RAD51B: variants seen among roughly 807,000 people sequenced by gnomAD.
RAD51B encodes DNA repair protein RAD51 homolog 2.
Under a neutral mutation model 42.2 loss-of-function variants are expected in RAD51B, and 38 were observed. The observed-to-expected ratio is 0.90, with a 90% CI of 0.70 to 1.18. The LOEUF is 1.18. Among genes scored for constraint, RAD51B ranks in the 50% most tolerant of loss-of-function variants. The probability of loss-of-function intolerance (pLI) is 0.00; values close to 1 mark genes in which losing one functional copy is unlikely to be tolerated. For synonymous variants in RAD51B, 154 were observed against 145.2 expected (o/e 1.06, Z -0.43); for missense variants, 373 against 400.7 (o/e 0.93, Z 0.59).
At chr14:68,501,076 G>A (rs1312818113) in intron 10 of RAD51B, among the ~76,000 whole-genome samples, 1 of 152,172 alleles carries the variant, frequency 6.6e-6, no homozygotes, top group Non-Finnish European at 1.5e-5. Context: ...ATGCTGGGGT[G>A]TGGCCAACAT....
At chr14:67,871,504 A>G (rs900016238) in intron 5 of RAD51B, among the ~76,000 whole-genome samples, 16 of 152,344 alleles carry the variant, frequency 1.1e-4, no homozygotes, top group African/African-American at 3.8e-4. Flanking sequence ...ATTCTACCAG[A>G]GGTACAAGGA....
At chr14:68,278,634 G>A (rs1237586114) in intron 7 of RAD51B, among the ~76,000 whole-genome samples, 1 of 152,206 alleles carries the variant, frequency 6.6e-6, no homozygotes, top group Non-Finnish European at 1.5e-5. Flanking sequence ...GTCAGCATGC[G>A]GTAGAGGGCT....
intron 7 of RAD51B, among the ~76,000 whole-genome samples, chr14:68,245,559 T>G (rs2080478415): frequency 6.6e-6 from 1 of 152,246 alleles, no homozygotes; most frequent in Non-Finnish European, 1.5e-5. Context: ...ACCTTATATC[T>G]CTTTTCCTGT....
At chr14:68,159,788 C>T (rs180676199) in intron 7 of RAD51B, among the ~76,000 whole-genome samples, 79 of 152,158 alleles carry the variant, frequency 5.2e-4, no homozygotes, top group African/African-American at 1.2e-4. Flanking sequence ...TTCTTACTCC[C>T]GTTCCAGATG....
intron 7 of RAD51B, among the ~76,000 whole-genome samples, chr14:68,049,050 C>G (rs545309567): frequency 6.6e-6 from 1 of 152,194 alleles, no homozygotes; most frequent in Non-Finnish European, 1.5e-5. Context: ...GAGTTCATGT[C>G]CTTTGTAGGG....
intron 7 of RAD51B, among the ~76,000 whole-genome samples, chr14:67,964,430 C>T (rs1046916299): frequency 6.6e-6 from 1 of 152,208 alleles, no homozygotes. Flanking sequence ...ATTATTCCTT[C>T]AGGCAGCCAA....
At chr14:68,601,343 C>A (rs1307331540) in intron 10 of RAD51B, among the ~76,000 whole-genome samples, 1 of 152,102 alleles carries the variant, frequency 6.6e-6, no homozygotes, top group Non-Finnish European at 1.5e-5. Flanking sequence ...TCCTTCCTGG[C>A]CACAGACTAG....
intron 7 of RAD51B, among the ~76,000 whole-genome samples, chr14:67,974,904 T>C (rs1430110800): frequency 6.6e-6 from 1 of 152,324 alleles, no homozygotes; most frequent in South Asian, 2.1e-4. Flanking sequence ...TATTCCTCTT[T>C]TATATGTGAT....
At position 68,132,275 on chromosome 14, in the gene RAD51B, A is replaced by G. The variant is rs116888651; in HGVS notation, c.757-159609A>G. 7.1e-3 allele frequency among the ~76,000 whole-genome samples: 1,080 copies of G among 152,332 alleles called. 10 individuals are homozygous for G. Among genetic ancestry groups the G allele is most frequent in the Middle Eastern group, 0.024 (7 of 294 alleles). On this transcript the variant is annotated intron_variant, in intron 7 of 10. Coordinates refer to ENST00000471583, the MANE Select transcript of RAD51B (RefSeq NM_133510.4). ...ATTTTCCTCAAAGATTTGGGGTGCT[A>G]TTATCAAAATAGTAAGGAAATATAT... is the stretch of plus-strand genomic sequence containing the variant.
chr14:68,667,496 A>T (rs1387843186), intron 11 of RAD51B, among the ~76,000 whole-genome samples: 1 of 142,206 alleles, frequency 7.0e-6, no homozygotes, highest in East Asian at 2.0e-4. Flanking sequence ...CAAGTATTTG[A>T]CCAAATAGCT....
At chr14:68,063,713 C>A (rs191199448) in intron 7 of RAD51B, among the ~76,000 whole-genome samples, 1 of 151,864 alleles carries the variant, frequency 6.6e-6, no homozygotes, top group Non-Finnish European at 1.5e-5. Flanking sequence ...TCCAGCCTGG[C>A]GACAGAATGA....
intron 8 of RAD51B, among the ~76,000 whole-genome samples, chr14:68,312,960 C>G (rs573168087): frequency 6.6e-6 from 1 of 152,278 alleles, no homozygotes; most frequent in African/African-American, 2.4e-5. Context: ...GTTGGGTTGT[C>G]TTGAGTAGTT....
At chr14:68,245,307 A>G (rs939392009) in intron 7 of RAD51B, among the ~76,000 whole-genome samples, 3 of 152,232 alleles carry the variant, frequency 2.0e-5, no homozygotes. Context: ...TCTGAGTCAA[A>G]TAGACTTGCA....
intron 7 of RAD51B, among the ~76,000 whole-genome samples, chr14:68,289,695 C>T (rs1425212812): frequency 2.7e-5 from 4 of 149,430 alleles, no homozygotes; most frequent in Non-Finnish European, 4.4e-5. Context: ...GACTGGGCAA[C>T]AGAGTGAGAT....
intron 7 of RAD51B, among the ~76,000 whole-genome samples, chr14:68,162,233 G>A (rs918640481): frequency 6.6e-6 from 1 of 152,090 alleles, no homozygotes; most frequent in African/African-American, 2.4e-5. Flanking sequence ...TTAGAATATT[G>A]AATTATCTTG....
At chr14:68,316,865 A>G (rs1021041479) in intron 8 of RAD51B, among the ~76,000 whole-genome samples, 1 of 152,240 alleles carries the variant, frequency 6.6e-6, no homozygotes, top group African/African-American at 2.4e-5. Context: ...AAATTCACCC[A>G]TTGTAAGTAT....
At chr14:68,117,503 G>GT (rs887454443) in intron 7 of RAD51B, among the ~76,000 whole-genome samples, 3 of 152,152 alleles carry the variant, frequency 2.0e-5, no homozygotes, top group Non-Finnish European at 2.9e-5. Context: ...CTGCCACTCT[G>GT]TTTTTTGGGA....
chr14:68,163,466 C>T (rs777811260), intron 7 of RAD51B, among the ~76,000 whole-genome samples: 51 of 152,206 alleles, frequency 3.4e-4, no homozygotes, highest in Non-Finnish European at 6.2e-4. Context: ...TCCTATCCCC[C>T]GATGGTCCTT....
chr14:68,029,801 A>G (rs1485315887), intron 7 of RAD51B, among the ~76,000 whole-genome samples: 3 of 152,220 alleles, frequency 2.0e-5, no homozygotes, highest in Non-Finnish European at 4.4e-5. Flanking sequence ...ACGAATCCGT[A>G]TCTGTGGCAC....
Sources: gnomAD v4.1 joint callset for allele counts (sites outside exome capture counted in the v4.1 genomes callset) on GRCh38, gnomAD v4.1.1 for gene constraint, MANE v1.5 for transcripts, NCBI Gene and HGNC (gene_info 2026-07-23, HGNC 2026-07-21) for gene names.